POC5: variants seen among roughly 807,000 people sequenced by gnomAD.
POC5 encodes POC5 centriolar protein, also known as centrosomal protein POC5.
POC5 carries 48 observed loss-of-function variants against 62.9 expected under a neutral mutation model. That is an observed-to-expected ratio of 0.76 (90% confidence interval 0.61 to 0.97). POC5 has a LOEUF of 0.97. Ranked by LOEUF, POC5 falls within the 50% of genes least tolerant of loss-of-function variation. The pLI is 0.00. For missense variants in POC5, 696 were observed against 679.5 expected (o/e 1.02, Z -0.27); for synonymous variants, 236 against 228.2 (o/e 1.03, Z -0.31).
In POC5 at chr5:75,704,140, C is replaced by T. The variant is rs1378556559; in HGVS notation, c.308-1330G>A. Among the ~76,000 whole-genome samples, 3 of 139,978 alleles carry T rather than the reference C, an allele frequency of 2.1e-5. No homozygotes were observed. In the East Asian group the frequency reaches 6.2e-4, roughly 29 times the overall value. The allele number at this position is 139,978 out of a possible 152,430, so 91.8% of individuals were successfully genotyped here. ...ACCCACTCTAGCCTGGGTGATAGAGCGAGACTCTGTCTCAAAAAAAAAAAA... is the reference window on the plus strand; with the variant it reads ...ACCCACTCTAGCCTGGGTGATAGAGTGAGACTCTGTCTCAAAAAAAAAAAA... On this transcript the variant is annotated intron_variant, in intron 4 of 11. Coordinates refer to ENST00000428202, the MANE Select transcript of POC5 (RefSeq NM_001099271.2).
intron 8 of POC5, among the ~76,000 whole-genome samples, chr5:75,689,954 T>G (rs1421806185): frequency 6.6e-6 from 1 of 152,178 alleles, no homozygotes; most frequent in African/African-American, 2.4e-5. Context: ...CAGTGTGATA[T>G]AGCTCACTGC....
In POC5 at chr5:75,685,244, C is replaced by A; in HGVS notation, c.1370G>T (p.Gly457Val). 1 of 1,613,828 alleles carries A rather than the reference C, an allele frequency of 6.2e-7. No individual in the cohort carries two copies. Among genetic ancestry groups the A allele is most frequent in the Non-Finnish European group, 8.5e-7 (1 of 1,179,804 alleles). The change falls in exon 10 of 12, where the codon GGT becomes GTT. Residue 457 changes from glycine to valine, a missense_variant. By Grantham distance (109) the Gly-to-Val change is moderately radical. Transcript: ENST00000428202. Reference sequence around the variant, plus strand: ...TGCAGCAGTAGCTGCAGATCCTGCACCAAGAGCAGAAACAGGAACGTGAAC... The same window carrying A: ...TGCAGCAGTAGCTGCAGATCCTGCAACAAGAGCAGAAACAGGAACGTGAAC... Reference protein sequence around the residue: ...SSVHVPVSALGAGSAATAASE... With the variant: ...SSVHVPVSALVAGSAATAASE...
intron 10 of POC5, among the ~76,000 whole-genome samples, chr5:75,681,804 T>C (rs1291971512): frequency 6.6e-6 from 1 of 152,142 alleles, no homozygotes; most frequent in Non-Finnish European, 1.5e-5. Context: ...GCCTCTGTGA[T>C]TAAAATGACA....
At chr5:75,676,974 T>C (rs1018993395) in intron 11 of POC5, among the ~76,000 whole-genome samples, 3 of 152,210 alleles carry the variant, frequency 2.0e-5, no homozygotes, top group African/African-American at 7.2e-5. Flanking sequence ...AGATATCTCA[T>C]GTATCTTTTT....
chr5:75,694,080 G>C (rs1192812230), intron 6 of POC5, among the ~76,000 whole-genome samples: 1 of 152,126 alleles, frequency 6.6e-6, no homozygotes, highest in Admixed American at 6.5e-5. Context: ...TGAGGCAGGA[G>C]GTTCACTTGA....
At chr5:75,712,306 T>G in intron 2 of POC5, 1 of 1,438,586 alleles carries the variant, frequency 7.0e-7, no homozygotes, top group Non-Finnish European at 9.8e-7. Flanking sequence ...TTTTTGATGA[T>G]GAAATATTTA....
intron 5 of POC5, among the ~76,000 whole-genome samples, chr5:75,699,337 G>A (rs1379455873): frequency 5.3e-5 from 8 of 151,834 alleles, no homozygotes; most frequent in African/African-American, 1.5e-4. Context: ...CTGGCAAACC[G>A]AATCCAGCAG....
At chr5:75,676,941 C>A (rs11749985) in intron 11 of POC5, among the ~76,000 whole-genome samples, 10,203 of 152,108 alleles carry the variant, frequency 0.067, 364 homozygotes, top group South Asian at 0.11. Context: ...TTGATTCGTA[C>A]ACATTTGTAG....
intron 1 of POC5, among the ~76,000 whole-genome samples, chr5:75,714,987 T>C (rs1209175242): frequency 6.6e-6 from 1 of 151,942 alleles, no homozygotes; most frequent in African/African-American, 2.4e-5. Context: ...TATCCTGAGG[T>C]CCTGTATTAG....
chr5:75,702,618 CT>C lies in POC5; in HGVS notation c.499del (p.Ser167ValfsTer12), dbSNP rs1162462826. Reference protein sequence around the residue: ...QKMENVLDLWSSGLKTNIISE... With the variant: ...QKMENVLDLWXSGLKTNIISE... ...GCTGTACCGTACCTTAAGACCTGAACTCCAAAGATCAAGCACATTTTCCATC... is the reference window on the plus strand; with the variant it reads ...GCTGTACCGTACCTTAAGACCTGAACCCAAAGATCAAGCACATTTTCCATC... On this transcript the variant is annotated frameshift_variant, in exon 5 of 12. Coordinates refer to ENST00000428202, the MANE Select transcript of POC5 (RefSeq NM_001099271.2). LOFTEE classifies it high-confidence loss of function. The C allele has an allele frequency of 6.2e-7, 1 of 1,613,088 alleles. No homozygotes were observed.
chr5:75,677,044 T>C (rs1350915180), intron 11 of POC5, among the ~76,000 whole-genome samples: 2 of 152,170 alleles, frequency 1.3e-5, no homozygotes, highest in Non-Finnish European at 2.9e-5. Flanking sequence ...AATGCCTTAA[T>C]ACATCTCGTT....
At chr5:75,677,351 A>G (rs1011741573) in intron 11 of POC5, among the ~76,000 whole-genome samples, 19 of 152,226 alleles carry the variant, frequency 1.2e-4, no homozygotes, top group Non-Finnish European at 2.4e-4. Flanking sequence ...TTTTTAAAAA[A>G]GGACCAAAAA....
intron 5 of POC5, among the ~76,000 whole-genome samples, chr5:75,697,528 C>T (rs1367542779): frequency 1.3e-5 from 2 of 152,010 alleles, no homozygotes; most frequent in South Asian, 4.2e-4. Flanking sequence ...CACCACCAGG[C>T]CTGCCCTAAA....
At chr5:75,697,661 A>T (rs7380748) in intron 5 of POC5, among the ~76,000 whole-genome samples, 3 of 151,892 alleles carry the variant, frequency 2.0e-5, no homozygotes, top group Non-Finnish European at 4.4e-5. Context: ...CGAGCAAAAT[A>T]ATCAGCTAAC....
chr5:75,675,462 C>T (rs1775615457), intron 11 of POC5, among the ~76,000 whole-genome samples: 1 of 152,044 alleles, frequency 6.6e-6, no homozygotes, highest in African/African-American at 2.4e-5. Context: ...TCAAAACATT[C>T]ACTATGTATT....
Position 75,683,867 on chromosome 5 carries a change from C to A in POC5, c.1407+1340G>T, listed in dbSNP as rs372229202. On this transcript the variant is annotated intron_variant, in intron 10 of 11. Coordinates refer to ENST00000428202, the MANE Select transcript of POC5 (RefSeq NM_001099271.2). ...TACAAGTGCACAGCACCATGCCTGA[C>A]TAATTTTCTACTTTTTTGTAAAGAT... Among the ~76,000 whole-genome samples, 20 of 152,208 alleles carry A rather than the reference C, an allele frequency of 1.3e-4. No homozygotes were observed. In the East Asian group the frequency reaches 3.5e-3, roughly 26 times the overall value.
intron 10 of POC5, among the ~76,000 whole-genome samples, chr5:75,683,807 G>A (rs906369252): frequency 2.6e-5 from 4 of 151,780 alleles, no homozygotes; most frequent in African/African-American, 7.3e-5. Flanking sequence ...GGGCTCAAGC[G>A]ATCCTCCTGC....
intron 3 of POC5, chr5:75,707,351 T>C (rs1777165638): frequency 6.0e-6 from 1 of 167,644 alleles, no homozygotes. Context: ...ATGAGGTTTG[T>C]AAAGTAATTT....
chr5:75,685,451 T>C lies in POC5; in HGVS notation c.1163A>G (p.Tyr388Cys), dbSNP rs778216774. ...TTCTTTTCCTTGAACACCAGGACCATACTCTTCCTTTTTATTATTTGTGGA... is the reference window on the plus strand; with the variant it reads ...TTCTTTTCCTTGAACACCAGGACCACACTCTTCCTTTTTATTATTTGTGGA... The part of the protein sequence containing the change: ...IDSTNNKKEE[Y>C]GPGVQGKEHS... The change falls in exon 10 of 12, where the codon TAT becomes TGT. Residue 388 changes from tyrosine (Y) to cysteine (C), a missense_variant. Coordinates refer to ENST00000428202, the MANE Select transcript of POC5 (RefSeq NM_001099271.2). 4.6e-5 allele frequency: 74 copies of C among 1,612,164 alleles called. No homozygotes were observed. Among genetic ancestry groups the C allele is most frequent in the Non-Finnish European group, 5.9e-5 (69 of 1,178,466 alleles).
Sources: allele counts gnomAD v4.1 joint callset (sites outside exome capture counted in the v4.1 genomes callset), GRCh38; gene constraint gnomAD v4.1.1; transcripts MANE v1.5; gene names NCBI Gene and HGNC (gene_info 2026-07-23, HGNC 2026-07-21).